RYR2: variants seen among roughly 807,000 people sequenced by gnomAD.
RYR2 encodes ryanodine receptor 2, also known as cardiac muscle ryanodine receptor-calcium release channel.
RYR2 carries 227 observed loss-of-function variants against 601.1 expected under a neutral mutation model. The observed-to-expected ratio is 0.38, with a 90% CI of 0.34 to 0.42. RYR2 has a LOEUF of 0.42. RYR2 is among the 10% of genes least tolerant of loss of function. The pLI is 1.00. For missense variants in RYR2, 4,646 were observed against 6,156.5 expected (o/e 0.75, Z 8.21); for synonymous variants, 2,223 against 2,175.1 (o/e 1.02, Z -0.61).
intron 17 of RYR2, among the ~76,000 whole-genome samples, chr1:237,490,159 A>G (rs888506848): frequency 3.9e-5 from 6 of 152,174 alleles, no homozygotes; most frequent in Admixed American, 1.3e-4. Flanking sequence ...GATAGCAACA[A>G]TAGACTAGCC....
intron 88 of RYR2, among the ~76,000 whole-genome samples, chr1:237,779,043 C>A (rs1347570905): frequency 6.6e-6 from 1 of 152,106 alleles, no homozygotes; most frequent in Non-Finnish European, 1.5e-5. Context: ...ATGAAACAGT[C>A]GAGTCCCCAA....
chr1:237,281,067 G>A (rs775370475), intron 2 of RYR2, among the ~76,000 whole-genome samples: 5 of 152,168 alleles, frequency 3.3e-5, no homozygotes, highest in Non-Finnish European at 7.3e-5. Context: ...TTTCAGGCAT[G>A]AGCCACCACG....
intron 2 of RYR2, among the ~76,000 whole-genome samples, chr1:237,296,407 A>G (rs1231047425): frequency 1.3e-5 from 2 of 152,220 alleles, no homozygotes; most frequent in Non-Finnish European, 2.9e-5. Context: ...AAGTAACTCA[A>G]TAGGGATGGT....
At chr1:237,576,050 C>T (rs1267462731) in intron 29 of RYR2, among the ~76,000 whole-genome samples, 1 of 152,064 alleles carries the variant, frequency 6.6e-6, no homozygotes, top group Non-Finnish European at 1.5e-5. Flanking sequence ...GTATATAATA[C>T]CTTTACTGAG....
intron 1 of RYR2, among the ~76,000 whole-genome samples, chr1:237,071,930 C>G (rs964256648): frequency 2.0e-5 from 3 of 152,256 alleles, no homozygotes; most frequent in Non-Finnish European, 4.4e-5. Flanking sequence ...GGGTATACAG[C>G]TGGCCAGGTC....
At chr1:237,601,400 G>A (rs1441274488) in intron 34 of RYR2, among the ~76,000 whole-genome samples, 1 of 152,122 alleles carries the variant, frequency 6.6e-6, no homozygotes, top group African/African-American at 2.4e-5. Context: ...TGGAAGTAGT[G>A]AATAGAATAG....
At chr1:237,768,533 C>T (rs1694022176) in intron 84 of RYR2, among the ~76,000 whole-genome samples, 1 of 152,116 alleles carries the variant, frequency 6.6e-6, no homozygotes, top group Non-Finnish European at 1.5e-5. Context: ...CAATATGTAC[C>T]TTGAGCCCTC....
intron 1 of RYR2, among the ~76,000 whole-genome samples, chr1:237,245,528 C>T (rs74147210): frequency 1.3e-5 from 2 of 152,034 alleles, no homozygotes; most frequent in South Asian, 2.1e-4. Context: ...GAGGTTAGAG[C>T]TGTCAAAAAC....
intron 78 of RYR2, among the ~76,000 whole-genome samples, chr1:237,733,082 C>G (rs534420709): frequency 2.6e-5 from 4 of 152,144 alleles, no homozygotes; most frequent in East Asian, 3.9e-4. Context: ...GAGCAACTCT[C>G]TCTCTGGCAT....
In RYR2 at chr1:237,723,979, A is replaced by G. The variant is rs1193153506; in HGVS notation, c.10689+717A>G. On this transcript the variant is annotated intron_variant, in intron 74 of 104. Transcript: ENST00000366574. ...TAGGTAAAATATCTGCAACACAGAGATATATTATCTATTTCTCATCAAGTC... is the reference window on the plus strand; with the variant it reads ...TAGGTAAAATATCTGCAACACAGAGGTATATTATCTATTTCTCATCAAGTC... 2.6e-5 allele frequency among the ~76,000 whole-genome samples: 4 copies of G among 151,788 alleles called. No homozygotes were observed. The East Asian group carries it at 7.7e-4, about 29-fold the overall frequency.
intron 1 of RYR2, among the ~76,000 whole-genome samples, chr1:237,236,058 C>T (rs911363323): frequency 2.0e-5 from 3 of 152,070 alleles, no homozygotes; most frequent in South Asian, 2.1e-4. Flanking sequence ...AGTACGCAAT[C>T]GTCCATGTAT....
intron 1 of RYR2, among the ~76,000 whole-genome samples, chr1:237,227,408 G>A (rs1049750830): frequency 4.6e-5 from 7 of 152,198 alleles, no homozygotes; most frequent in African/African-American, 1.4e-4. Flanking sequence ...AGGGATGGGC[G>A]TGGCTGTGTT....
chr1:237,131,245 A>G (rs1014616604), intron 1 of RYR2, among the ~76,000 whole-genome samples: 3 of 152,130 alleles, frequency 2.0e-5, no homozygotes, highest in African/African-American at 7.2e-5. Context: ...ACTCAAACCC[A>G]GTTTAACTGT....
At chr1:237,362,230 A>C (rs942060650) in intron 4 of RYR2, among the ~76,000 whole-genome samples, 2 of 152,212 alleles carry the variant, frequency 1.3e-5, no homozygotes, top group African/African-American at 4.8e-5. Context: ...TATGCAAATT[A>C]ATCATCATCC....
chr1:237,073,849 C>T (rs1268220507), intron 1 of RYR2, among the ~76,000 whole-genome samples: 8 of 119,516 alleles, frequency 6.7e-5, no homozygotes, highest in Non-Finnish European at 1.1e-4. Context: ...CCAGCCTGGG[C>T]GACAGAGACT....
rs1260289435 is a variant in RYR2 at position 237,491,855 on chromosome 1, A to G, written c.1758A>G (p.Leu586=). The change falls in exon 18 of 105, where the codon CTA becomes CTG. Residue 586 remains leucine, a synonymous_variant. Coordinates refer to ENST00000366574, the MANE Select transcript of RYR2 (RefSeq NM_001035.3). ...TTTTAGTAGAAAGTCCAGAAGCTCTAAATATTATTAAAGAAGGACATATTA... is the reference window on the plus strand; with the variant it reads ...TTTTAGTAGAAAGTCCAGAAGCTCTGAATATTATTAAAGAAGGACATATTA... The part of the protein sequence containing the change: ...HCVLVESPEA[L]NIIKEGHIKS... 1 of 1,484,238 alleles carries G rather than the reference A, an allele frequency of 6.7e-7. No homozygotes were observed. The allele number at this position is 1,484,238 out of a possible 1,614,324, so 91.9% of individuals were successfully genotyped here. A position where few individuals can be genotyped will look rare whatever the true frequency, so the allele number is the denominator to read the frequency against.
intron 29 of RYR2, among the ~76,000 whole-genome samples, chr1:237,578,244 G>A (rs1399636783): frequency 1.3e-5 from 2 of 152,114 alleles, no homozygotes; most frequent in South Asian, 2.1e-4. Flanking sequence ...AGGTGAAGGG[G>A]GGTGTGATCT....
intron 10 of RYR2, among the ~76,000 whole-genome samples, chr1:237,388,905 A>G (rs1054258866): frequency 3.9e-5 from 6 of 152,270 alleles, no homozygotes; most frequent in African/African-American, 1.4e-4. Context: ...TTTTCATATT[A>G]ACATGGACAC....
At chr1:237,818,962 A>C in intron 100 of RYR2, 74 bp from the exon 101 acceptor site, 2 of 1,343,552 alleles carry the variant, frequency 1.5e-6, no homozygotes, top group South Asian at 1.4e-5. Context: ...GGAACTACAG[A>C]GATAACTCGG....
Sources: allele counts gnomAD v4.1 joint callset (sites outside exome capture counted in the v4.1 genomes callset), GRCh38; gene constraint gnomAD v4.1.1; transcripts MANE v1.5; gene names NCBI Gene and HGNC (gene_info 2026-07-23, HGNC 2026-07-21).